The following DCHS2 variants were observed in gnomAD, a reference collection of about 807,000 sequenced individuals.
The protein encoded by DCHS2 is protocadherin-23.
A neutral mutation model predicts 182.4 loss-of-function variants in DCHS2; 142 were observed. The observed-to-expected ratio is 0.78, with a 90% CI of 0.68 to 0.89. DCHS2 has a LOEUF of 0.89. Ranked by LOEUF, DCHS2 falls within the 40% of genes least tolerant of loss-of-function variation. The pLI, the probability that DCHS2 is intolerant of heterozygous loss-of-function variation, is 0.00. For synonymous variants in DCHS2, 1,740 were observed against 1,663.3 expected (o/e 1.05, Z -1.12); for missense variants, 4,319 against 4,198.6 (o/e 1.03, Z -0.79).
In DCHS2 at chr4:154,335,097, A is replaced by C. The variant is rs767458154; in HGVS notation, c.2484T>G (p.Ile828Met). The change falls in exon 4 of 20, where the codon ATT becomes ATG. Residue 828 changes from isoleucine to methionine, a missense_variant. Physicochemically the swap from Ile to Met is conservative, Grantham distance 10. Coordinates refer to ENST00000357232, the MANE Select transcript of DCHS2 (RefSeq NM_001358235.2). ...AATGACTAAGAGGTAATGTTAAGTA[A>C]ATAATTCCTGGGTAGGGAAAAGAAA... ...LFTIDSTTGI[I>M]YLTLPLSHLE... 39 of 1,597,772 alleles carry C rather than the reference A, an allele frequency of 2.4e-5. No individual in the cohort carries two copies. Among genetic ancestry groups the C allele is most frequent in the Non-Finnish European group, 3.3e-5 (38 of 1,165,172 alleles).
intron 1 of DCHS2, among the ~76,000 whole-genome samples, chr4:154,471,557 C>T (rs1412406263): frequency 6.6e-6 from 1 of 152,048 alleles, no homozygotes; most frequent in African/African-American, 2.4e-5. Context: ...TTTTACTTTT[C>T]AGTTAATAAA....
chr4:154,325,097 A>C (rs1217377421), intron 7 of DCHS2, among the ~76,000 whole-genome samples: 1 of 152,134 alleles, frequency 6.6e-6, no homozygotes, highest in Non-Finnish European at 1.5e-5. Context: ...AGACTGATTA[A>C]TTTTCAATAT....
rs1731238216 is a variant in DCHS2, at chr4:154,232,436, G to A, written c.*2100C>T. On this transcript the variant is annotated 3_prime_UTR_variant, in exon 20 of 20. Coordinates refer to ENST00000357232, the MANE Select transcript of DCHS2 (RefSeq NM_001358235.2). ...TACATGTCTTCTCTTGTTATGCAATGGCTAGAAAACATACAGAATCACATC... is the reference window on the plus strand; with the variant it reads ...TACATGTCTTCTCTTGTTATGCAATAGCTAGAAAACATACAGAATCACATC... 1 of 152,114 alleles carries A rather than the reference G, an allele frequency of 6.6e-6. No homozygotes were observed. The highest frequency in any genetic ancestry group is 2.1e-4 in the South Asian group (1 of 4,824). 9.4% of individuals were successfully genotyped at this position (152,114 alleles called of 1,614,324 possible). A position where few individuals can be genotyped will look rare whatever the true frequency, so the allele number is the denominator to read the frequency against.
intron 1 of DCHS2, among the ~76,000 whole-genome samples, chr4:154,380,914 C>T (rs1023556728): frequency 6.6e-6 from 1 of 152,056 alleles, no homozygotes; most frequent in Non-Finnish European, 1.5e-5. Flanking sequence ...TTGACTGACA[C>T]ATAAAATTTA....
chr4:154,421,641 A>ATG (rs2110915885), intron 1 of DCHS2, among the ~76,000 whole-genome samples: 1 of 152,108 alleles, frequency 6.6e-6, no homozygotes, highest in South Asian at 2.1e-4. Context: ...AAAATCCACC[A>ATG]CCTTGGCCTC....
chr4:154,382,066 G>A (rs1463639151), intron 1 of DCHS2, among the ~76,000 whole-genome samples: 1 of 152,096 alleles, frequency 6.6e-6, no homozygotes, highest in Non-Finnish European at 1.5e-5. Flanking sequence ...AAAACAGCAT[G>A]GTACTGGTAC....
chr4:154,482,491 A>G (rs1735959719), intron 1 of DCHS2, among the ~76,000 whole-genome samples: 1 of 152,198 alleles, frequency 6.6e-6, no homozygotes. Flanking sequence ...TTGAGTAGGA[A>G]AGACTTGGGG....
rs1038287154 is a variant in DCHS2 at position 154,491,696 on chromosome 4, G to A, written c.-341C>T. The A allele has an allele frequency of 1.8e-6, 2 of 1,121,256 alleles. No homozygotes were observed. The highest frequency in any genetic ancestry group is 2.2e-6 in the Non-Finnish European group (2 of 919,034). The allele number at this position is 1,121,256 out of a possible 1,614,324, so 69.5% of individuals were successfully genotyped here. A position where few individuals can be genotyped will look rare whatever the true frequency, so the allele number is the denominator to read the frequency against. ...TCTACTCGGCTGGTTGTTCCCCCCTGGTAAAGTCAGGTGCATTATTTCTTT... is the reference window on the plus strand; with the variant it reads ...TCTACTCGGCTGGTTGTTCCCCCCTAGTAAAGTCAGGTGCATTATTTCTTT... On this transcript the variant is annotated 5_prime_UTR_variant, in exon 1 of 20. Transcript: ENST00000357232.
At chr4:154,319,656 T>TAAAAAAAAAA (rs59154846) in intron 9 of DCHS2, among the ~76,000 whole-genome samples, 5 of 116,938 alleles carry the variant, frequency 4.3e-5, no homozygotes, top group Admixed American at 8.8e-5. Context: ...TGGCTGTTAC[T>TAAAAAAAAAA]AAAAAAAAAA....
intron 7 of DCHS2, chr4:154,322,712 T>C (rs1159055610): frequency 4.1e-6 from 2 of 489,236 alleles, no homozygotes; most frequent in Non-Finnish European, 6.7e-6. Flanking sequence ...ATAATAAACT[T>C]TCACGAGTCC....
At position 154,297,939 on chromosome 4, in the gene DCHS2, G is replaced by A; in HGVS notation, c.6375C>T (p.Leu2125=). Reference sequence around the variant, plus strand: ...CTTCTCCTTCCATGTGAATGACCAAGAGACCCGTGGTTGTCCTGGCTGGAA... The same window carrying A: ...CTTCTCCTTCCATGTGAATGACCAAAAGACCCGTGGTTGTCCTGGCTGGAA... The part of the protein sequence containing the change: ...QGIPARTTTG[L]LVIHMEGEDV... The change falls in exon 13 of 20, where the codon CTC becomes CTT. Residue 2125 remains leucine (L), a synonymous_variant. Coordinates refer to ENST00000357232, the MANE Select transcript of DCHS2 (RefSeq NM_001358235.2). 6.2e-7 allele frequency: 1 copy of A among 1,614,110 alleles called. No homozygotes were observed. Among genetic ancestry groups the A allele is most frequent in the African/African-American group, 1.3e-5 (1 of 75,042 alleles).
intron 1 of DCHS2, among the ~76,000 whole-genome samples, chr4:154,454,594 A>G (rs915351829): frequency 6.6e-6 from 1 of 152,150 alleles, no homozygotes; most frequent in Non-Finnish European, 1.5e-5. Context: ...GGGAACTACA[A>G]CCAGGCAAAA....
intron 1 of DCHS2, among the ~76,000 whole-genome samples, chr4:154,393,397 A>G (rs572323606): frequency 6.6e-6 from 1 of 152,340 alleles, no homozygotes; most frequent in East Asian, 1.9e-4. Flanking sequence ...AATGGGCTTC[A>G]TATTTTAACA....
intron 10 of DCHS2, among the ~76,000 whole-genome samples, chr4:154,310,357 G>A (rs1735623679): frequency 2.6e-5 from 4 of 152,288 alleles, no homozygotes; most frequent in Admixed American, 1.3e-4. Context: ...AGCCCATAGA[G>A]CTGTGTCTCT....
chr4:154,411,747 ATG>A (rs1300493502), intron 1 of DCHS2, among the ~76,000 whole-genome samples: 2 of 152,198 alleles, frequency 1.3e-5, no homozygotes, highest in Non-Finnish European at 2.9e-5. Flanking sequence ...ATGGATAACT[ATG>A]TGAGATGATG....
intron 16 of DCHS2, among the ~76,000 whole-genome samples, chr4:154,250,331 C>G (rs1251394997): frequency 6.6e-6 from 1 of 152,120 alleles, no homozygotes; most frequent in Non-Finnish European, 1.5e-5. Context: ...CGGCCGAATC[C>G]TGAGGTGGTG....
intron 2 of DCHS2, among the ~76,000 whole-genome samples, chr4:154,376,166 G>C (rs547676166): frequency 1.3e-5 from 2 of 152,044 alleles, no homozygotes; most frequent in Admixed American, 6.6e-5. Flanking sequence ...TGCTTTTATG[G>C]GTCTGTTGAT....
chr4:154,402,038 T>C (rs1732205885), intron 1 of DCHS2, among the ~76,000 whole-genome samples: 1 of 152,216 alleles, frequency 6.6e-6, no homozygotes, highest in African/African-American at 2.4e-5. Flanking sequence ...AAGAAACTTT[T>C]AATCTTGGGT....
Position 154,235,531 on chromosome 4 carries a change from T to G in DCHS2, c.9121A>C (p.Arg3041=), listed in dbSNP as rs1731431644. ...AGCACACTGGCATCCCGGGTCACTC[T>G]CAAGTCCGCATCTAAAGATGAGGTT... The part of the protein sequence containing the change: ...KKTSSLDADL[R]VTRDASVLKA... The change falls in exon 20 of 20, where the codon AGA becomes CGA. Residue 3041 remains arginine, a synonymous_variant. Coordinates refer to ENST00000357232, the MANE Select transcript of DCHS2 (RefSeq NM_001358235.2). 6.2e-7 allele frequency: 1 copy of G among 1,614,102 alleles called. No individual in the cohort carries two copies. The highest frequency in any genetic ancestry group is 8.5e-7 in the Non-Finnish European group (1 of 1,179,970).
Sources: gnomAD v4.1 joint callset for allele counts (sites outside exome capture counted in the v4.1 genomes callset) on GRCh38, gnomAD v4.1.1 for gene constraint, MANE v1.5 for transcripts, NCBI Gene and HGNC (gene_info 2026-07-23, HGNC 2026-07-21) for gene names.